The following SCAPER variants were observed in gnomAD, a reference collection of about 807,000 sequenced individuals.
SCAPER encodes the protein S-phase cyclin A associated protein in the ER, also known as S phase cyclin A-associated protein in the endoplasmic reticulum.
A neutral mutation model predicts 182.2 loss-of-function variants in SCAPER; 98 were observed. The ratio of observed to expected loss-of-function variants is 0.54; its 90% CI spans 0.46 to 0.64. The LOEUF (loss-of-function observed/expected upper bound fraction) is 0.64, where lower values mean the gene tolerates loss of function less well. Ranked by LOEUF, SCAPER falls within the 30% of genes least tolerant of loss-of-function variation. The pLI is 0.00. For missense variants in SCAPER, 1,432 were observed against 1,690.0 expected (o/e 0.85, Z 2.68); for synonymous variants, 605 against 564.6 (o/e 1.07, Z -1.01).
rs774308287 is a variant in SCAPER at position 76,546,396 on chromosome 15, C to T, written c.2838+27762G>A. ...TGCTTTTCTAAAAAAAAATTTGTTG[C>T]CCAGGCTGGTCTCGAACTCCTAGGC... On this transcript the variant is annotated intron_variant, in intron 23 of 31. Coordinates refer to ENST00000563290, the MANE Select transcript of SCAPER (RefSeq NM_020843.4). 1.5e-3 allele frequency among the ~76,000 whole-genome samples: 223 copies of T among 152,062 alleles called. 2 individuals are homozygous for T. Among genetic ancestry groups the T allele is most frequent in the Non-Finnish European group, 2.4e-3 (166 of 67,950 alleles).
At chr15:76,483,797 C>T (rs1277587247) in intron 24 of SCAPER, among the ~76,000 whole-genome samples, 2 of 152,068 alleles carry the variant, frequency 1.3e-5, no homozygotes, top group Non-Finnish European at 2.9e-5. Context: ...AACAAGATGC[C>T]ATTATACACC....
intron 5 of SCAPER, among the ~76,000 whole-genome samples, chr15:76,825,813 C>T (rs62029187): frequency 0.064 from 9,698 of 152,234 alleles, 342 homozygotes; most frequent in Middle Eastern, 0.11. Flanking sequence ...GAGGTGACCT[C>T]GTCTCACTGC....
intron 4 of SCAPER, among the ~76,000 whole-genome samples, chr15:76,844,433 T>G (rs962438122): frequency 6.6e-6 from 1 of 152,042 alleles, no homozygotes; most frequent in African/African-American, 2.4e-5. Flanking sequence ...ACATATATTT[T>G]CTTCATGTTC....
At chr15:76,649,827 A>G (rs1273907832) in intron 21 of SCAPER, among the ~76,000 whole-genome samples, 1 of 152,116 alleles carries the variant, frequency 6.6e-6, no homozygotes, top group Non-Finnish European at 1.5e-5. Flanking sequence ...ACAAATGCTA[A>G]GAAAACCTAC....
chr15:76,876,438 C>CAAA (rs33959211), intron 2 of SCAPER, among the ~76,000 whole-genome samples: 1 of 122,756 alleles, frequency 8.1e-6, no homozygotes, highest in Non-Finnish European at 1.7e-5. Flanking sequence ...AAAACAAAAG[C>CAAA]AAAAAAAAAA....
At chr15:76,397,264 G>T (rs1482324934) in intron 27 of SCAPER, among the ~76,000 whole-genome samples, 8 of 152,016 alleles carry the variant, frequency 5.3e-5, no homozygotes, top group African/African-American at 1.9e-4. Flanking sequence ...ATTCATCAGG[G>T]ATACTGGTCT....
At chr15:76,732,590 T>C (rs1033054826) in intron 16 of SCAPER, among the ~76,000 whole-genome samples, 1 of 151,954 alleles carries the variant, frequency 6.6e-6, no homozygotes, top group Non-Finnish European at 1.5e-5. Flanking sequence ...AGCGGTAGCA[T>C]CAGTGTCAAG....
intron 23 of SCAPER, among the ~76,000 whole-genome samples, chr15:76,512,242 T>C (rs946977770): frequency 1.3e-4 from 19 of 151,992 alleles, no homozygotes; most frequent in African/African-American, 4.4e-4. Flanking sequence ...TCTAGTATGA[T>C]TGCAGGATGA....
At chr15:76,562,085 T>C (rs1172338297) in intron 23 of SCAPER, among the ~76,000 whole-genome samples, 6 of 140,982 alleles carry the variant, frequency 4.3e-5, no homozygotes, top group Non-Finnish European at 9.0e-5. Flanking sequence ...GAGGCAGAGG[T>C]TGCAGTGAGC....
At chr15:76,485,147 G>T (rs1008207440) in intron 24 of SCAPER, among the ~76,000 whole-genome samples, 1 of 152,168 alleles carries the variant, frequency 6.6e-6, no homozygotes, top group Non-Finnish European at 1.5e-5. Context: ...CCTGCATCTA[G>T]AAAACCCCAC....
At chr15:76,544,483 T>G (rs1225891841) in intron 23 of SCAPER, among the ~76,000 whole-genome samples, 3 of 152,104 alleles carry the variant, frequency 2.0e-5, no homozygotes, top group Non-Finnish European at 4.4e-5. Context: ...TATTCAGCAA[T>G]AAAAAGTAAC....
intron 5 of SCAPER, among the ~76,000 whole-genome samples, chr15:76,835,933 C>CAAAAAAAAAA (rs35242954): frequency 2.1e-5 from 2 of 94,302 alleles, no homozygotes; most frequent in Non-Finnish European, 2.0e-5. Flanking sequence ...ACATTAGCCA[C>CAAAAAAAAAA]AAAAAAAAAA....
intron 5 of SCAPER, among the ~76,000 whole-genome samples, chr15:76,816,194 T>G (rs929943210): frequency 2.0e-5 from 3 of 152,248 alleles, no homozygotes; most frequent in Non-Finnish European, 4.4e-5. Flanking sequence ...TCTGTCTTCC[T>G]AATAAATTAA....
At chr15:76,692,140 C>A (rs1159865054) in intron 20 of SCAPER, among the ~76,000 whole-genome samples, 1 of 152,104 alleles carries the variant, frequency 6.6e-6, no homozygotes. Flanking sequence ...AGACAAAAAT[C>A]AGCATAGATA....
At chr15:76,586,188 G>C (rs2048641654) in intron 22 of SCAPER, among the ~76,000 whole-genome samples, 1 of 152,160 alleles carries the variant, frequency 6.6e-6, no homozygotes, top group Non-Finnish European at 1.5e-5. Flanking sequence ...ATGGGGTGGT[G>C]GGGTGGTCCA....
intron 2 of SCAPER, among the ~76,000 whole-genome samples, chr15:76,870,233 A>AT (rs1319468237): frequency 6.6e-6 from 1 of 152,232 alleles, no homozygotes; most frequent in Non-Finnish European, 1.5e-5. Flanking sequence ...TTTTCAAAAT[A>AT]GCTAGAAAAG....
intron 21 of SCAPER, 41 bp downstream of exon 21, chr15:76,665,612 A>G: frequency 6.5e-7 from 1 of 1,541,368 alleles, no homozygotes; most frequent in Non-Finnish European, 8.7e-7. Context: ...AAGATACATC[A>G]CTAAAAGTTT....
At position 76,896,306 on chromosome 15, in the gene SCAPER, C is replaced by T. The variant is rs539573057; in HGVS notation, c.-60+8993G>A. Among the ~76,000 whole-genome samples the T allele has an allele frequency of 9.9e-5, 15 of 151,660 alleles. No individual in the cohort carries two copies. In the South Asian group the frequency reaches 2.5e-3, roughly 25 times the overall value. On this transcript the variant is annotated intron_variant, in intron 1 of 31. Transcript: ENST00000563290. Reference sequence around the variant, plus strand: ...GATCACCGGAGCCTGGGGAGGTCAACGCTGCAGTGAGTTGTGATCACACCA... The same window carrying T: ...GATCACCGGAGCCTGGGGAGGTCAATGCTGCAGTGAGTTGTGATCACACCA...
chr15:76,422,279 TTC>T (rs1207246098), intron 26 of SCAPER, among the ~76,000 whole-genome samples: 3 of 152,216 alleles, frequency 2.0e-5, no homozygotes, highest in Non-Finnish European at 4.4e-5. Context: ...TTTGTTTGTG[TTC>T]TCTTTTATTT....
Sources: allele counts gnomAD v4.1 joint callset (sites outside exome capture counted in the v4.1 genomes callset), GRCh38; gene constraint gnomAD v4.1.1; transcripts MANE v1.5; gene names NCBI Gene and HGNC (gene_info 2026-07-23, HGNC 2026-07-21).